Variants in KLHL24 observed in about 807,000 individuals in gnomAD.
KLHL24 encodes the protein kelch like family member 24.
In KLHL24, 29 loss-of-function variants were observed where a neutral mutation model predicts 53.4. The observed-to-expected ratio is 0.54, with a 90% CI of 0.40 to 0.74. The LOEUF (loss-of-function observed/expected upper bound fraction) is 0.74, where lower values mean the gene tolerates loss of function less well. Among genes scored for constraint, KLHL24 ranks in the 30% least tolerant of loss-of-function variants. The probability of loss-of-function intolerance (pLI) is 0.00; values close to 1 mark genes in which losing one functional copy is unlikely to be tolerated. For synonymous variants in KLHL24, 222 were observed against 253.7 expected (o/e 0.88, Z 1.19); for missense variants, 504 against 744.0 (o/e 0.68, Z 3.75).
Position 183,672,421 on chromosome 3 carries a change from A to C in KLHL24, c.1539A>C (p.Ala513=), listed in dbSNP as rs1461136736. The change falls in exon 7 of 8, where the codon GCA becomes GCC. Residue 513 remains alanine, a synonymous_variant. Coordinates refer to ENST00000242810, the MANE Select transcript of KLHL24 (RefSeq NM_017644.3). ...LIYVAGGLTK[A]IYCYDPVEDY... is the part of the protein sequence containing the mutation. Reference sequence around the variant, plus strand: ...ATGTTGCCGGTGGACTGACCAAGGCAATATACTGTTACGATCCAGTTGAAG... The same window carrying C: ...ATGTTGCCGGTGGACTGACCAAGGCCATATACTGTTACGATCCAGTTGAAG... 2 of 1,613,800 alleles carry C rather than the reference A, an allele frequency of 1.2e-6. No homozygotes were observed. The highest frequency in any genetic ancestry group is 4.5e-5 in the East Asian group (2 of 44,866).
At chr3:183,638,698 G>A (rs775076831) in intron 1 of KLHL24, among the ~76,000 whole-genome samples, 12 of 152,202 alleles carry the variant, frequency 7.9e-5, no homozygotes, top group Admixed American at 1.3e-4. Flanking sequence ...CTACTCCAGA[G>A]GCTGAGGCAG....
chr3:183,674,654 C>T (rs1423725650), intron 7 of KLHL24, among the ~76,000 whole-genome samples: 2 of 152,124 alleles, frequency 1.3e-5, no homozygotes, highest in African/African-American at 2.4e-5. Context: ...GCCACCATGC[C>T]CAGCCTATTA....
chr3:183,667,272 C>T (rs555839937), intron 5 of KLHL24, among the ~76,000 whole-genome samples: 16 of 152,148 alleles, frequency 1.1e-4, no homozygotes, highest in East Asian at 1.9e-4. Flanking sequence ...ACAAATTAGC[C>T]GGGCATGGTG....
At chr3:183,672,618 A>G (rs1721483939) in intron 7 of KLHL24, 134 bp downstream of exon 7, 3 of 567,712 alleles carry the variant, frequency 5.3e-6, no homozygotes, top group East Asian at 3.4e-5. Flanking sequence ...TAATCCCAGC[A>G]CTTTGGGAGG....
Position 183,650,336 on chromosome 3 carries a change from A to G in KLHL24, c.-21A>G. 6.3e-7 allele frequency: 1 copy of G among 1,584,452 alleles called. No homozygotes were observed. Among genetic ancestry groups the G allele is most frequent in the Non-Finnish European group, 8.6e-7 (1 of 1,159,664 alleles). ...CCCTAATAGTCATTTCTCAACAATTATATAGTCAACTGATGTAACAATGGT... is the reference window on the plus strand; with the variant it reads ...CCCTAATAGTCATTTCTCAACAATTGTATAGTCAACTGATGTAACAATGGT... On this transcript the variant is annotated 5_prime_UTR_variant, in exon 3 of 8. Transcript: ENST00000242810. This position sits in a 1 kb window ranked among gnomAD's most constrained non-coding sequence, Gnocchi z 4.5.
intron 1 of KLHL24, chr3:183,636,429 C>G (rs1715196832): frequency 6.6e-6 from 1 of 152,226 alleles, no homozygotes; most frequent in Non-Finnish European, 1.5e-5. Flanking sequence ...TTGTTTACCA[C>G]GATCGCGACA....
chr3:183,642,193 A>G (rs1273995926), intron 1 of KLHL24, among the ~76,000 whole-genome samples: 5 of 152,244 alleles, frequency 3.3e-5, no homozygotes, highest in Admixed American at 3.3e-4. Flanking sequence ...ATTGACCTGC[A>G]TCCCTGCATT....
chr3:183,661,372 A>AT (rs765105878), intron 3 of KLHL24, among the ~76,000 whole-genome samples: 4 of 152,204 alleles, frequency 2.6e-5, no homozygotes, highest in Non-Finnish European at 5.9e-5. Context: ...TTTACTTGCC[A>AT]TTATCAGCTG....
At chr3:183,659,950 G>T (rs1032891041) in intron 3 of KLHL24, among the ~76,000 whole-genome samples, 1 of 152,110 alleles carries the variant, frequency 6.6e-6, no homozygotes, top group Admixed American at 6.6e-5. Flanking sequence ...ACCGTTAATA[G>T]TAAGGTGGTG....
chr3:183,673,839 T>C (rs1024009570), intron 7 of KLHL24, among the ~76,000 whole-genome samples: 2 of 152,208 alleles, frequency 1.3e-5, no homozygotes, highest in Admixed American at 6.5e-5. Flanking sequence ...TTATACTCTT[T>C]CCTGAATCAT....
chr3:183,674,246 T>TCTTC (rs1491212787), intron 7 of KLHL24, among the ~76,000 whole-genome samples: 4 of 88,512 alleles, frequency 4.5e-5, no homozygotes, highest in Admixed American at 2.2e-4. Context: ...GCATCAATTT[T>TCTTC]CTTTCTTTCT....
At chr3:183,677,422 T>C (rs148687374) in intron 7 of KLHL24, among the ~76,000 whole-genome samples, 1 of 152,186 alleles carries the variant, frequency 6.6e-6, no homozygotes, top group East Asian at 1.9e-4. Flanking sequence ...AATTAAAGTG[T>C]CTTTCACTAT....
intron 1 of KLHL24, among the ~76,000 whole-genome samples, chr3:183,640,756 C>T (rs951170695): frequency 1.3e-5 from 2 of 151,962 alleles, no homozygotes; most frequent in East Asian, 3.9e-4. Context: ...CCCGCCACCA[C>T]ACCCGGCTAA....
intron 4 of KLHL24, chr3:183,664,245 T>C (rs1194243284): frequency 6.6e-6 from 1 of 152,234 alleles, no homozygotes; most frequent in East Asian, 1.9e-4. Context: ...TTTTTTAAAC[T>C]TTACCTCTTT....
intron 3 of KLHL24, among the ~76,000 whole-genome samples, chr3:183,654,253 C>T (rs1364279999): frequency 6.6e-6 from 1 of 152,156 alleles, no homozygotes; most frequent in African/African-American, 2.4e-5. Context: ...TCTCCAGTTG[C>T]TCTTTTTCAA....
At chr3:183,664,769 A>G in intron 4 of KLHL24, 152 bp from the exon 5 acceptor site, 1 of 463,264 alleles carries the variant, frequency 2.2e-6, no homozygotes, top group Admixed American at 3.4e-5. Flanking sequence ...ATTAAATTTC[A>G]AGAGGTCTTT....
At position 183,650,810 on chromosome 3, in the gene KLHL24, C is replaced by T. The variant is rs1291314815; in HGVS notation, c.454C>T (p.Arg152Cys). ...AAGCCTCTTTCAGATTAGTGTTCTC[C>T]GTGATGCATGTGCCAAGTTCTTGGA... ...TSSLFQISVL[R>C]DACAKFLEEQ... The change falls in exon 3 of 8, where the codon CGT (arginine) becomes TGT (cysteine). Residue 152 changes from arginine (R) to cysteine (C), a missense_variant. Physicochemically the swap from Arg to Cys is radical, Grantham distance 180 (BLOSUM62 -3). Coordinates refer to ENST00000242810, the MANE Select transcript of KLHL24 (RefSeq NM_017644.3). This position sits in a 1 kb window ranked among gnomAD's most constrained non-coding sequence, Gnocchi z 4.5. 4.3e-6 allele frequency: 7 copies of T among 1,613,890 alleles called. No individual in the cohort carries two copies. Among genetic ancestry groups the T allele is most frequent in the African/African-American group, 1.3e-5 (1 of 74,992 alleles).
chr3:183,669,617 C>T (rs1158968689), intron 5 of KLHL24, among the ~76,000 whole-genome samples: 3 of 152,078 alleles, frequency 2.0e-5, no homozygotes, highest in Non-Finnish European at 4.4e-5. Context: ...GCATTGAGTA[C>T]TGTGGAAATT....
chr3:183,670,709 A>G (rs1010261715), intron 5 of KLHL24, among the ~76,000 whole-genome samples: 1 of 152,234 alleles, frequency 6.6e-6, no homozygotes, highest in Admixed American at 6.5e-5. Flanking sequence ...TGTTTCTTAG[A>G]AGATGAAAAA....
Sources: gnomAD v4.1 joint callset for allele counts (sites outside exome capture counted in the v4.1 genomes callset) on GRCh38, gnomAD v4.1.1 for gene constraint, Gnocchi (gnomAD v3.1) non-coding constraint, MANE v1.5 for transcripts, NCBI Gene and HGNC (gene_info 2026-07-23, HGNC 2026-07-21) for gene names.